The following ASH1L variants were observed in gnomAD, a reference collection of about 807,000 sequenced individuals.
ASH1L encodes the protein histone-lysine N-methyltransferase ASH1L.
In ASH1L, 23 loss-of-function variants were observed where a neutral mutation model predicts 269.0. The ratio of observed to expected loss-of-function variants is 0.09; its 90% CI spans 0.06 to 0.12. The LOEUF is 0.12. ASH1L is among the 10% of genes least tolerant of loss of function. The pLI is 1.00. For synonymous variants in ASH1L, 1,187 were observed against 1,253.5 expected, an observed-to-expected ratio of 0.95 and a Z score of 1.12; for missense variants, 2,912 against 3,567.8, an observed-to-expected ratio of 0.82 and a Z score of 4.68.
At chr1:155,456,447 C>G (rs1663868736) in intron 4 of ASH1L, among the ~76,000 whole-genome samples, 1 of 152,124 alleles carries the variant, frequency 6.6e-6, no homozygotes, top group Non-Finnish European at 1.5e-5. Context: ...CTATTCCATT[C>G]TGAAGTCTTG....
intron 4 of ASH1L, among the ~76,000 whole-genome samples, chr1:155,441,454 C>CT (rs34682576): frequency 0.48 from 35,684 of 73,732 alleles, 13,756 homozygotes; most frequent in Non-Finnish European, 0.66. Flanking sequence ...ATAAAGAATC[C>CT]TTTTTTTTTT....
At chr1:155,355,163 C>T (rs1321927134) in intron 15 of ASH1L, among the ~76,000 whole-genome samples, 1 of 152,168 alleles carries the variant, frequency 6.6e-6, no homozygotes, top group Non-Finnish European at 1.5e-5. Flanking sequence ...TCAAGCGATT[C>T]TCTCAGCCTC....
chr1:155,520,899 C>T (rs1668843988), intron 2 of ASH1L, among the ~76,000 whole-genome samples: 1 of 152,138 alleles, frequency 6.6e-6, no homozygotes, highest in African/African-American at 2.4e-5. Context: ...AATAATTTTA[C>T]AAGTACAAAT....
At position 155,438,759 on chromosome 1, in the gene ASH1L, A is replaced by T; in HGVS notation, c.5396T>A (p.Val1799Glu). 6.2e-7 allele frequency: 1 copy of T among 1,614,182 alleles called. No individual in the cohort carries two copies. Among genetic ancestry groups the T allele is most frequent in the Non-Finnish European group, 8.5e-7 (1 of 1,180,048 alleles). ...SCSPHHIKRS[V>E]VEAMQRQARK... ...AGCTTGGCGTTGCATAGCTTCCACT[A>T]CACTTCTCTTGATATGATGGGGGGA... Residue 1799 changes from valine to glutamate, a missense_variant, in exon 5 of 28, where the codon GTA (valine) becomes GAA (glutamate). Coordinates refer to ENST00000392403, the MANE Select transcript of ASH1L (RefSeq NM_018489.3).
At chr1:155,410,942 TA>T (rs1408898942) in intron 6 of ASH1L, among the ~76,000 whole-genome samples, 2 of 152,218 alleles carry the variant, frequency 1.3e-5, no homozygotes, top group Non-Finnish European at 2.9e-5. Flanking sequence ...ATTACAATAG[TA>T]GATACATGTC....
At chr1:155,388,106 C>A (rs149168454) in intron 7 of ASH1L, among the ~76,000 whole-genome samples, 9 of 152,230 alleles carry the variant, frequency 5.9e-5, no homozygotes, top group South Asian at 2.1e-4. Context: ...TTAGACAAAA[C>A]GGAATCATTC....
At chr1:155,391,583 C>T (rs1657929681) in intron 7 of ASH1L, among the ~76,000 whole-genome samples, 1 of 152,066 alleles carries the variant, frequency 6.6e-6, no homozygotes, top group African/African-American at 2.4e-5. Context: ...TATTAACGTC[C>T]AGTAATTTTG....
At chr1:155,391,709 C>T (rs1657943219) in intron 7 of ASH1L, among the ~76,000 whole-genome samples, 1 of 152,140 alleles carries the variant, frequency 6.6e-6, no homozygotes, top group African/African-American at 2.4e-5. Context: ...AATCCCAGCA[C>T]TTTGGGAGGC....
At chr1:155,354,668 A>G in intron 15 of ASH1L, 38 bp from the exon 16 acceptor site, 1 of 1,588,196 alleles carries the variant, frequency 6.3e-7, no homozygotes, top group Non-Finnish European at 8.6e-7. Context: ...TTATTCATTA[A>G]TTAAATAAGC....
chr1:155,414,306 T>TA (rs1281475435), intron 6 of ASH1L, among the ~76,000 whole-genome samples: 1 of 151,878 alleles, frequency 6.6e-6, no homozygotes, highest in African/African-American at 2.4e-5. Flanking sequence ...AAAATAGCAT[T>TA]AAAAAAATTT....
At chr1:155,507,378 C>T (rs1667883719) in intron 2 of ASH1L, among the ~76,000 whole-genome samples, 1 of 151,580 alleles carries the variant, frequency 6.6e-6, no homozygotes, top group Admixed American at 6.6e-5. Context: ...CTTTTCTAAA[C>T]AGAAAACCAT....
intron 3 of ASH1L, among the ~76,000 whole-genome samples, chr1:155,468,313 T>G (rs1664847543): frequency 6.6e-6 from 1 of 151,970 alleles, no homozygotes. Context: ...GAAGTTAACC[T>G]TGAACTTGGT....
At chr1:155,472,668 T>C (rs1449263071) in intron 3 of ASH1L, among the ~76,000 whole-genome samples, 1 of 152,062 alleles carries the variant, frequency 6.6e-6, no homozygotes, top group Non-Finnish European at 1.5e-5. Flanking sequence ...CAAGCAGCAA[T>C]GAAAAAGGGC....
chr1:155,495,384 G>T (rs1297660580), intron 2 of ASH1L, among the ~76,000 whole-genome samples: 1 of 152,050 alleles, frequency 6.6e-6, no homozygotes, highest in African/African-American at 2.4e-5. Context: ...TTGCTCCTAG[G>T]CTACTAACCT....
intron 12 of ASH1L, 50 bp from the exon 13 acceptor site, chr1:155,360,459 T>G (rs968438297): frequency 1.6e-6 from 2 of 1,257,478 alleles, no homozygotes; most frequent in Admixed American, 3.6e-5. Context: ...TTTTTTTTTT[T>G]TTGAGACGGA....
intron 5 of ASH1L, chr1:155,433,497 A>T (rs1374621044): frequency 8.7e-6 from 14 of 1,610,134 alleles, no homozygotes; most frequent in Non-Finnish European, 1.2e-5. Context: ...GTGGAGAGCA[A>T]CTCCGATGGC....
At chr1:155,373,141 C>T (rs1017463244) in intron 10 of ASH1L, among the ~76,000 whole-genome samples, 3 of 151,042 alleles carry the variant, frequency 2.0e-5, no homozygotes, top group African/African-American at 7.3e-5. Context: ...TGAACTTGTC[C>T]GGCGGACGTT....
intron 4 of ASH1L, among the ~76,000 whole-genome samples, chr1:155,441,862 C>A (rs563072757): frequency 5.3e-5 from 8 of 149,846 alleles, no homozygotes; most frequent in Non-Finnish European, 1.0e-4. Flanking sequence ...ACCTCCCAGG[C>A]TCAAGCGACC....
rs780313541 is a variant in ASH1L at position 155,380,175 on chromosome 1, T to C, written c.6104-59A>G. Reference sequence around the variant, plus strand: ...TTTCTAATATTTGCTTATACAAAGGTGTCAAACAGCTACAAGAACTAACAT... The same window carrying C: ...TTTCTAATATTTGCTTATACAAAGGCGTCAAACAGCTACAAGAACTAACAT... On this transcript the variant is annotated intron_variant, in intron 7 of 27. Coordinates refer to ENST00000392403, the MANE Select transcript of ASH1L (RefSeq NM_018489.3). 3 of 1,304,790 alleles carry C rather than the reference T, an allele frequency of 2.3e-6. No individual in the cohort carries two copies. In the South Asian group the frequency reaches 3.6e-5, roughly 16 times the overall value. The allele number at this position is 1,304,790 out of a possible 1,614,324, so 80.8% of individuals were successfully genotyped here.
Sources: allele counts gnomAD v4.1 joint callset (sites outside exome capture counted in the v4.1 genomes callset), GRCh38; gene constraint gnomAD v4.1.1; transcripts MANE v1.5; gene names NCBI Gene and HGNC (gene_info 2026-07-23, HGNC 2026-07-21).